LYRM1: variants seen among roughly 807,000 people sequenced by gnomAD.
The protein encoded by LYRM1 is LYR motif-containing protein 1.
In LYRM1, 14 loss-of-function variants were observed where a neutral mutation model predicts 14.9. That is an observed-to-expected ratio of 0.94 (90% confidence interval 0.62 to 1.47). The LOEUF (loss-of-function observed/expected upper bound fraction) is 1.47, where lower values mean the gene tolerates loss of function less well. Among genes scored for constraint, LYRM1 ranks in the 40% most tolerant of loss-of-function variants. The pLI is 0.00. For synonymous variants in LYRM1, 43 were observed against 56.2 expected, an observed-to-expected ratio of 0.77 and a Z score of 1.05; for missense variants, 153 against 149.9, an observed-to-expected ratio of 1.02 and a Z score of -0.11.
intron 1 of LYRM1, among the ~76,000 whole-genome samples, chr16:20,905,212 T>C (rs2082263716): frequency 6.6e-6 from 1 of 152,196 alleles, no homozygotes; most frequent in East Asian, 1.9e-4. Context: ...AACATTTGCC[T>C]TTGTTAACTC....
At chr16:20,920,311 A>C in intron 3 of LYRM1, 97 bp downstream of exon 3, 1 of 898,464 alleles carries the variant, frequency 1.1e-6, no homozygotes, top group East Asian at 2.4e-5. Context: ...CTTGCTGAGA[A>C]GCCCAGAGCT....
intron 1 of LYRM1, among the ~76,000 whole-genome samples, chr16:20,908,608 C>G (rs1449493659): frequency 6.6e-6 from 1 of 152,122 alleles, no homozygotes; most frequent in African/African-American, 2.4e-5. Flanking sequence ...ACAGTAAATG[C>G]AAAGCAAATG....
chr16:20,909,918 A>G (rs1389343663), intron 1 of LYRM1, among the ~76,000 whole-genome samples: 1 of 152,216 alleles, frequency 6.6e-6, no homozygotes, highest in African/African-American at 2.4e-5. Context: ...CATAAAAATG[A>G]GAGTTTACTG....
intron 1 of LYRM1, among the ~76,000 whole-genome samples, chr16:20,904,691 T>TTGTGTG (rs3841490): frequency 0.21 from 29,536 of 140,920 alleles, 3,369 homozygotes; most frequent in East Asian, 0.51. Context: ...AAGTCTGTGG[T>TTGTGTG]TGTGTGTGTG....
intron 3 of LYRM1, among the ~76,000 whole-genome samples, chr16:20,923,717 C>T (rs1295091264): frequency 6.6e-6 from 1 of 152,182 alleles, no homozygotes; most frequent in Non-Finnish European, 1.5e-5. Context: ...AGAGCACAGG[C>T]TCTGGAATCT....
At chr16:20,910,643 G>A (rs567075940) in intron 1 of LYRM1, among the ~76,000 whole-genome samples, 5 of 152,122 alleles carry the variant, frequency 3.3e-5, no homozygotes, top group African/African-American at 9.7e-5. Flanking sequence ...TTGTTGTGGC[G>A]CACGCCTGAG....
rs1233454806 is a variant in LYRM1, at chr16:20,901,449, C to T, written c.-1+560C>T. On this transcript the variant is annotated intron_variant, in intron 1 of 3. Coordinates refer to ENST00000567954, the MANE Select transcript of LYRM1 (RefSeq NM_001128302.3). This position sits in a 1 kb window ranked among gnomAD's most constrained non-coding sequence, Gnocchi z 4.6. ...GAGGTGACAGAAGATGGGGGGAGGG[C>T]CCCTCGAAATCGGGTAAGGTCGTTC... 6.6e-6 allele frequency among the ~76,000 whole-genome samples: 1 copy of T among 152,150 alleles called. No homozygotes were observed. The highest frequency in any genetic ancestry group is 2.4e-5 in the African/African-American group (1 of 41,430).
intron 1 of LYRM1, among the ~76,000 whole-genome samples, chr16:20,902,006 C>G (rs1253127264): frequency 6.6e-6 from 1 of 152,180 alleles, no homozygotes; most frequent in African/African-American, 2.4e-5. Flanking sequence ...CGCCTGTAAT[C>G]TCTGCTACTC....
At position 20,915,590 on chromosome 16, in the gene LYRM1, T is replaced by C. The variant is rs894847749; in HGVS notation, c.35T>C (p.Leu12Pro). Residue 12 changes from leucine to proline, a missense_variant, in exon 2 of 4, where the codon CTC becomes CCC. Physicochemically the swap from Leu to Pro is moderately conservative, Grantham distance 98. Coordinates refer to ENST00000567954, the MANE Select transcript of LYRM1 (RefSeq NM_001128302.3). ...TTATRQEVLG[L>P]YRSIFRLARK... The stretch of plus-strand genomic sequence containing the variant: ...GCAACACGACAAGAAGTCCTTGGCC[T>C]CTACCGCAGCATTTTCAGGCTTGCG... The C allele has an allele frequency of 3.1e-6, 5 of 1,614,060 alleles. No homozygotes were observed. The highest frequency in any genetic ancestry group is 4.2e-6 in the Non-Finnish European group (5 of 1,180,006).
chr16:20,902,030 G>T (rs1033113897), intron 1 of LYRM1, among the ~76,000 whole-genome samples: 3 of 152,214 alleles, frequency 2.0e-5, no homozygotes, highest in Non-Finnish European at 4.4e-5. Flanking sequence ...AGAATCGCTT[G>T]AACCCGGGAG....
intron 1 of LYRM1, among the ~76,000 whole-genome samples, chr16:20,914,878 C>A (rs1316932782): frequency 6.6e-6 from 1 of 152,190 alleles, no homozygotes; most frequent in Non-Finnish European, 1.5e-5. Context: ...GATTAAATTC[C>A]ATTTCTCCCT....
intron 2 of LYRM1, among the ~76,000 whole-genome samples, chr16:20,916,008 G>T (rs1169723448): frequency 6.6e-6 from 1 of 152,196 alleles, no homozygotes. Context: ...GGAGGAGCCA[G>T]TCCTCATACT....
intron 1 of LYRM1, among the ~76,000 whole-genome samples, chr16:20,905,352 G>A (rs914314103): frequency 1.3e-5 from 2 of 152,148 alleles, no homozygotes; most frequent in Non-Finnish European, 2.9e-5. Context: ...GCCCAATGGG[G>A]TAAAGTCAAG....
chr16:20,906,110 CAT>C (rs2082306995), intron 1 of LYRM1, among the ~76,000 whole-genome samples: 1 of 152,138 alleles, frequency 6.6e-6, no homozygotes, highest in African/African-American at 2.4e-5. Context: ...GCAACACACA[CAT>C]GGTGGAAAAA....
intron 3 of LYRM1, among the ~76,000 whole-genome samples, chr16:20,922,919 G>A (rs1162486316): frequency 6.6e-6 from 1 of 152,108 alleles, no homozygotes; most frequent in Admixed American, 6.5e-5. Context: ...ACAGGCCTGA[G>A]AACCCAAGGG....
Position 20,920,134 on chromosome 16 carries a change from G to A in LYRM1, c.172G>A (p.Asp58Asn). The A allele has an allele frequency of 6.2e-7, 1 of 1,612,426 alleles. No homozygotes were observed. Among genetic ancestry groups the A allele is most frequent in the South Asian group, 1.1e-5 (1 of 90,960 alleles). The part of the protein sequence containing the change: ...FRKNKNLTDT[D>N]LIKQCIDECT... ...TCCCTTTTAATAGCTCACGGACACA[G>A]ACCTAATTAAACAGTGTATAGATGA... Residue 58 changes from aspartate (D) to asparagine (N), a missense_variant, in exon 3 of 4, where the codon GAC becomes AAC. Asp to Asn is a conservative substitution (Grantham distance 23). Coordinates refer to ENST00000567954, the MANE Select transcript of LYRM1 (RefSeq NM_001128302.3).
At chr16:20,914,151 T>C (rs1330548183) in intron 1 of LYRM1, among the ~76,000 whole-genome samples, 2 of 151,988 alleles carry the variant, frequency 1.3e-5, no homozygotes, top group Non-Finnish European at 2.9e-5. Flanking sequence ...GACAAGAAAG[T>C]AGACCAACGA....
At position 20,901,037 on chromosome 16, in the gene LYRM1, T is replaced by G. The variant is rs2082016535; in HGVS notation, c.-1+148T>G. 6.6e-6 allele frequency: 1 copy of G among 152,224 alleles called. No homozygotes were observed. Among genetic ancestry groups the G allele is most frequent in the Admixed American group, 6.5e-5 (1 of 15,282 alleles). 9.4% of individuals were successfully genotyped at this position (152,224 alleles called of 1,614,324 possible). ...GTGACCCCAGCTTCGCGGGGGCGGCTCGGTGTCATCGCCACCGGCCTCGGG... is the reference window on the plus strand; with the variant it reads ...GTGACCCCAGCTTCGCGGGGGCGGCGCGGTGTCATCGCCACCGGCCTCGGG... On this transcript the variant is annotated intron_variant, in intron 1 of 3. Transcript: ENST00000567954. The surrounding 1 kb of genome is among the most constrained non-coding windows in gnomAD (Gnocchi z 4.6).
intron 1 of LYRM1, among the ~76,000 whole-genome samples, chr16:20,912,795 G>A (rs894928898): frequency 6.6e-6 from 1 of 150,996 alleles, no homozygotes; most frequent in Non-Finnish European, 1.5e-5. Context: ...GGCGGGGTGC[G>A]GTGGCTCATG....
Sources: allele counts gnomAD v4.1 joint callset (sites outside exome capture counted in the v4.1 genomes callset), GRCh38; gene constraint gnomAD v4.1.1; non-coding constraint Gnocchi (gnomAD v3.1); transcripts MANE v1.5; gene names NCBI Gene and HGNC (gene_info 2026-07-23, HGNC 2026-07-21).